The following PLCL1 variants were observed in gnomAD, a reference collection of about 807,000 sequenced individuals.
PLCL1 encodes the protein phospholipase C like 1 (inactive).
In PLCL1, 41 loss-of-function variants were observed where a neutral mutation model predicts 84.4. The ratio of observed to expected loss-of-function variants is 0.49; its 90% CI spans 0.38 to 0.63. PLCL1 has a LOEUF of 0.63. PLCL1 is among the 30% of genes least tolerant of loss of function. PLCL1 has a pLI of 0.00. For missense variants in PLCL1, 1,206 were observed against 1,367.8 expected (o/e 0.88, Z 1.87); for synonymous variants, 490 against 488.3 (o/e 1.00, Z -0.05).
chr2:197,847,933 A>G (rs1687152993), intron 1 of PLCL1, among the ~76,000 whole-genome samples: 1 of 152,214 alleles, frequency 6.6e-6, no homozygotes, highest in African/African-American at 2.4e-5. Context: ...AGGTAGCTTG[A>G]GTCAGAGAGT....
intron 5 of PLCL1, among the ~76,000 whole-genome samples, chr2:198,121,819 C>T (rs1693874344): frequency 6.6e-6 from 1 of 152,024 alleles, no homozygotes; most frequent in East Asian, 1.9e-4. Flanking sequence ...ATGCACTGGA[C>T]TGGCAATTTG....
At chr2:198,132,328 C>A (rs921604767) in intron 5 of PLCL1, among the ~76,000 whole-genome samples, 1 of 152,096 alleles carries the variant, frequency 6.6e-6, no homozygotes, top group African/African-American at 2.4e-5. Flanking sequence ...CATTCCAACT[C>A]AAGGTCAGCG....
chr2:197,911,024 T>A (rs775955568), intron 1 of PLCL1, among the ~76,000 whole-genome samples: 10 of 152,188 alleles, frequency 6.6e-5, no homozygotes, highest in Non-Finnish European at 1.3e-4. Context: ...AATGTTGATA[T>A]TTTGGGTATA....
chr2:198,087,032 C>T (rs1398708931), intron 2 of PLCL1, among the ~76,000 whole-genome samples: 2 of 151,862 alleles, frequency 1.3e-5, no homozygotes, highest in Non-Finnish European at 2.9e-5. Flanking sequence ...TAAATTACTC[C>T]CCACAAGAAC....
intron 1 of PLCL1, among the ~76,000 whole-genome samples, chr2:197,961,191 T>C (rs1265211870): frequency 6.6e-6 from 1 of 151,666 alleles, no homozygotes; most frequent in Non-Finnish European, 1.5e-5. Context: ...TTTTCCTTGA[T>C]ACTTGGATTC....
At chr2:198,058,077 G>T (rs898639718) in intron 1 of PLCL1, among the ~76,000 whole-genome samples, 1 of 152,038 alleles carries the variant, frequency 6.6e-6, no homozygotes. Context: ...AGTGAAAACT[G>T]GTTTTCGAAC....
Position 197,804,897 on chromosome 2 carries a change from G to T in PLCL1, c.-203G>T. ...CGGACTGCTAGCCTCCTAGACCGAA[G>T]CCCGAGGACGTCTCTGCCCGAGCGA... On this transcript the variant is annotated 5_prime_UTR_variant, in exon 1 of 6. Coordinates refer to ENST00000428675, the MANE Select transcript of PLCL1 (RefSeq NM_006226.4). 1 of 519,808 alleles carries T rather than the reference G, an allele frequency of 1.9e-6. No individual in the cohort carries two copies. The highest frequency in any genetic ancestry group is 2.9e-5 in the South Asian group (1 of 34,990). 32.2% of individuals were successfully genotyped at this position (519,808 alleles called of 1,614,324 possible). A position where few individuals can be genotyped will look rare whatever the true frequency, so the allele number is the denominator to read the frequency against.
intron 1 of PLCL1, among the ~76,000 whole-genome samples, chr2:197,817,249 G>C (rs932604272): frequency 3.9e-5 from 6 of 152,046 alleles, no homozygotes; most frequent in Admixed American, 1.3e-4. Flanking sequence ...AAAAAGAAAG[G>C]GTTCTCCCAA....
intron 5 of PLCL1, among the ~76,000 whole-genome samples, chr2:198,128,442 G>A (rs879474298): frequency 6.6e-6 from 1 of 152,146 alleles, no homozygotes; most frequent in Non-Finnish European, 1.5e-5. Flanking sequence ...GAGGGGAGGG[G>A]CAGTGAGTCA....
At position 198,042,420 on chromosome 2, in the gene PLCL1, G is replaced by A. The variant is rs374413817; in HGVS notation, c.241-41338G>A. Among the ~76,000 whole-genome samples the A allele has an allele frequency of 3.5e-4, 54 of 152,278 alleles. 1 individual carries two copies. Among genetic ancestry groups the A allele is most frequent in the African/African-American group, 1.2e-3 (51 of 41,570 alleles). ...TCTGCAATAGCACACCAGCTGAACC[G>A]GAAGGTGATGAGAATTGAGGTGGTG... On this transcript the variant is annotated intron_variant, in intron 1 of 5. Coordinates refer to ENST00000428675, the MANE Select transcript of PLCL1 (RefSeq NM_006226.4).
chr2:197,824,900 T>G (rs1336387649), intron 1 of PLCL1, among the ~76,000 whole-genome samples: 1 of 152,108 alleles, frequency 6.6e-6, no homozygotes, highest in Admixed American at 6.6e-5. Flanking sequence ...ATGACTGGTC[T>G]TAAAATAAAA....
At position 197,805,138 on chromosome 2, in the gene PLCL1, G is replaced by T. The variant is rs1235558769; in HGVS notation, c.39G>T (p.Pro13=). ...CGGCCGGCAGGGAGGATCCGGCGCCGCCCGACGCGGCGGGGGGCGAAGACG... is the reference window on the plus strand; with the variant it reads ...CGGCCGGCAGGGAGGATCCGGCGCCTCCCGACGCGGCGGGGGGCGAAGACG... ...EGAAGREDPA[P]PDAAGGEDDP... is the part of the protein sequence containing the mutation. The change falls in exon 1 of 6, where the codon CCG becomes CCT. Residue 13 remains proline, a synonymous_variant. Coordinates refer to ENST00000428675, the MANE Select transcript of PLCL1 (RefSeq NM_006226.4). This position sits in a 1 kb window ranked among gnomAD's most constrained non-coding sequence, Gnocchi z 4.0. 3.0e-6 allele frequency: 4 copies of T among 1,311,674 alleles called. No homozygotes were observed. The highest frequency in any genetic ancestry group is 3.9e-6 in the Non-Finnish European group (4 of 1,035,330). The allele number at this position is 1,311,674 out of a possible 1,614,324, so 81.3% of individuals were successfully genotyped here.
At chr2:197,813,181 C>T (rs1050538605) in intron 1 of PLCL1, among the ~76,000 whole-genome samples, 1 of 152,140 alleles carries the variant, frequency 6.6e-6, no homozygotes, top group African/African-American at 2.4e-5. Flanking sequence ...GAGTGATGGC[C>T]CTGCTCCCCT....
In PLCL1 at chr2:197,960,591, C is replaced by A. The variant is rs1689596215; in HGVS notation, c.241-123167C>A. Among the ~76,000 whole-genome samples, 3 of 152,082 alleles carry A rather than the reference C, an allele frequency of 2.0e-5. No individual in the cohort carries two copies. The South Asian group carries it at 6.2e-4, about 32-fold the overall frequency. On this transcript the variant is annotated intron_variant, in intron 1 of 5. Coordinates refer to ENST00000428675, the MANE Select transcript of PLCL1 (RefSeq NM_006226.4). ...TGGGGGGACTAGGGAAAAGATGAAA[C>A]CAAGGGACACTGTATAGTCTGAAAG...
At position 198,135,824 on chromosome 2, in the gene PLCL1, T is replaced by C. The variant is rs1340573775; in HGVS notation, c.3106-10956T>C. On this transcript the variant is annotated intron_variant, in intron 5 of 5. Coordinates refer to ENST00000428675, the MANE Select transcript of PLCL1 (RefSeq NM_006226.4). ...GTGACAAATGATTTCAGCTCATTTT[T>C]ACTTTCTCTGCTGGCTTAAATGAAA... 2.6e-5 allele frequency among the ~76,000 whole-genome samples: 4 copies of C among 152,232 alleles called. No homozygotes were observed. The East Asian group carries it at 7.7e-4, about 29-fold the overall frequency.
intron 1 of PLCL1, among the ~76,000 whole-genome samples, chr2:197,960,848 T>C (rs1326682735): frequency 6.6e-6 from 1 of 152,130 alleles, no homozygotes; most frequent in African/African-American, 2.4e-5. Flanking sequence ...AAAAAATGCA[T>C]TTAAGATGTA....
chr2:198,053,562 T>C (rs1691991695), intron 1 of PLCL1, among the ~76,000 whole-genome samples: 1 of 152,218 alleles, frequency 6.6e-6, no homozygotes. Context: ...TTAGCTCTTT[T>C]AGCAGTGATG....
At chr2:198,046,562 G>T (rs1691798811) in intron 1 of PLCL1, among the ~76,000 whole-genome samples, 2 of 152,162 alleles carry the variant, frequency 1.3e-5, no homozygotes, top group African/African-American at 4.8e-5. Context: ...CCCTTTTCAG[G>T]CTCAGTGGCT....
At chr2:198,000,442 T>C (rs1488209421) in intron 1 of PLCL1, among the ~76,000 whole-genome samples, 1 of 152,204 alleles carries the variant, frequency 6.6e-6, no homozygotes, top group Admixed American at 6.5e-5. Context: ...TGAGACTCAA[T>C]TTAACACTGG....
Sources: allele counts gnomAD v4.1 joint callset (sites outside exome capture counted in the v4.1 genomes callset), GRCh38; gene constraint gnomAD v4.1.1; non-coding constraint Gnocchi (gnomAD v3.1); transcripts MANE v1.5; gene names NCBI Gene and HGNC (gene_info 2026-07-23, HGNC 2026-07-21).